METTL24: variants seen among roughly 807,000 people sequenced by gnomAD.
METTL24 encodes the protein methyltransferase like 24, also known as probable methyltransferase-like protein 24.
METTL24 carries 29 observed loss-of-function variants against 32.7 expected under a neutral mutation model. That is an observed-to-expected ratio of 0.89 (90% CI 0.66 to 1.21). The LOEUF (loss-of-function observed/expected upper bound fraction) is 1.21. Among genes scored for constraint, METTL24 ranks in the 50% most tolerant of loss-of-function variants. The pLI, the probability that METTL24 is intolerant of heterozygous loss-of-function variation, is 0.00. For missense variants in METTL24, 439 were observed against 468.1 expected, an observed-to-expected ratio of 0.94 and a Z score of 0.57; for synonymous variants, 163 against 179.5, an observed-to-expected ratio of 0.91 and a Z score of 0.73.
intron 1 of METTL24, among the ~76,000 whole-genome samples, chr6:110,346,554 G>C (rs1248747898): frequency 3.4e-5 from 5 of 146,316 alleles, no homozygotes; most frequent in African/African-American, 1.0e-4. Flanking sequence ...CAGCAGGCTG[G>C]AGTGCAATGG....
intron 4 of METTL24, among the ~76,000 whole-genome samples, chr6:110,256,273 A>G (rs1778382953): frequency 6.6e-6 from 1 of 152,192 alleles, no homozygotes; most frequent in Non-Finnish European, 1.5e-5. Context: ...AGACTTTAGT[A>G]TCACCTCTAA....
chr6:110,256,129 A>T (rs1778378159), intron 4 of METTL24, among the ~76,000 whole-genome samples: 1 of 152,174 alleles, frequency 6.6e-6, no homozygotes, highest in Non-Finnish European at 1.5e-5. Context: ...GTGAGAAAAC[A>T]TTAAGAAGTC....
At chr6:110,276,058 CCAA>C (rs1771041634) in intron 4 of METTL24, among the ~76,000 whole-genome samples, 1 of 152,188 alleles carries the variant, frequency 6.6e-6, no homozygotes, top group East Asian at 1.9e-4. Context: ...AAGCCATACA[CCAA>C]CATTTCTCCC....
At chr6:110,331,560 CTGAGG>C (rs1206466431) in intron 1 of METTL24, among the ~76,000 whole-genome samples, 1 of 147,922 alleles carries the variant, frequency 6.8e-6, no homozygotes, top group Non-Finnish European at 1.5e-5. Context: ...ACTCTGGTGG[CTGAGG>C]TGAGAGGATT....
intron 4 of METTL24, among the ~76,000 whole-genome samples, chr6:110,276,194 A>G (rs1771044218): frequency 6.6e-6 from 1 of 152,208 alleles, no homozygotes; most frequent in Non-Finnish European, 1.5e-5. Flanking sequence ...GCACTTTAAG[A>G]GGCCAAGGCC....
intron 1 of METTL24, among the ~76,000 whole-genome samples, chr6:110,335,563 A>ATTTTTTTTTTTTTT (rs1562241070): frequency 1.8e-5 from 2 of 113,634 alleles, no homozygotes; most frequent in Non-Finnish European, 3.5e-5. Flanking sequence ...GTAGGGAATC[A>ATTTTTTTTTTTTTT]TTGTTTTTTT....
chr6:110,314,727 C>T (rs987864922), intron 3 of METTL24, among the ~76,000 whole-genome samples: 3 of 152,026 alleles, frequency 2.0e-5, no homozygotes, highest in Admixed American at 6.6e-5. Flanking sequence ...TTTGGGAGGC[C>T]GAGGCAGGTG....
chr6:110,249,430 C>T (rs965899123), intron 4 of METTL24, among the ~76,000 whole-genome samples: 13 of 126,240 alleles, frequency 1.0e-4, no homozygotes, highest in Admixed American at 3.6e-4. Flanking sequence ...AATCATGCAG[C>T]CCAGGGGGAG....
At chr6:110,300,509 C>T (rs182132574) in intron 3 of METTL24, among the ~76,000 whole-genome samples, 239 of 151,448 alleles carry the variant, frequency 1.6e-3, no homozygotes, top group African/African-American at 4.9e-3. Flanking sequence ...CAACCTCTGC[C>T]GCCAGGGTTC....
intron 1 of METTL24, among the ~76,000 whole-genome samples, chr6:110,337,129 G>GA (rs1328146165): frequency 1.3e-5 from 2 of 152,184 alleles, no homozygotes; most frequent in Non-Finnish European, 2.9e-5. Flanking sequence ...CAGGAACATA[G>GA]ATGGAGCTGG....
intron 1 of METTL24, among the ~76,000 whole-genome samples, chr6:110,340,271 C>T (rs927418409): frequency 1.3e-5 from 2 of 152,114 alleles, no homozygotes; most frequent in Admixed American, 6.5e-5. Flanking sequence ...ACTCTAGGGG[C>T]TGTTGTCCAG....
At chr6:110,300,356 AATT>A (rs899919076) in intron 3 of METTL24, among the ~76,000 whole-genome samples, 6 of 151,808 alleles carry the variant, frequency 4.0e-5, no homozygotes, top group Non-Finnish European at 7.4e-5. Flanking sequence ...AGTGGATAAT[AATT>A]ATTTACCTTA....
chr6:110,297,900 C>T (rs1385273345), intron 4 of METTL24, among the ~76,000 whole-genome samples: 1 of 151,682 alleles, frequency 6.6e-6, no homozygotes, highest in Admixed American at 6.6e-5. Flanking sequence ...CTTGAAGAAG[C>T]ATGGGCTATC....
chr6:110,302,520 T>TATACACACAC (rs1562230836), intron 3 of METTL24, among the ~76,000 whole-genome samples: 24 of 111,822 alleles, frequency 2.1e-4, no homozygotes, highest in African/African-American at 1.1e-3. Context: ...TACACACACA[T>TATACACACAC]ATGTGTATAT....
At chr6:110,354,885 G>A (rs1251061223) in intron 1 of METTL24, among the ~76,000 whole-genome samples, 1 of 152,204 alleles carries the variant, frequency 6.6e-6, no homozygotes, top group East Asian at 1.9e-4. Context: ...GGAAATCTAA[G>A]AAAATGTTTA....
In METTL24 at chr6:110,284,738, A is replaced by G. The variant is rs1435393758; in HGVS notation, c.786+14184T>C. 5.3e-5 allele frequency among the ~76,000 whole-genome samples: 8 copies of G among 152,306 alleles called. No homozygotes were observed. The East Asian group carries it at 1.5e-3, about 29-fold the overall frequency. On this transcript the variant is annotated intron_variant, in intron 4 of 4. Transcript: ENST00000338882. ...GTATAAATCTGGTACTGTCTAGTTA[A>G]TAATTTTTATTTTTTTAGTCTTATT...
At chr6:110,252,291 C>T (rs1055982940) in intron 4 of METTL24, among the ~76,000 whole-genome samples, 1 of 152,192 alleles carries the variant, frequency 6.6e-6, no homozygotes, top group Non-Finnish European at 1.5e-5. Context: ...AACCCAAGAT[C>T]AACGTGTCAG....
chr6:110,252,977 C>A (rs1347381191), intron 4 of METTL24, among the ~76,000 whole-genome samples: 6 of 152,154 alleles, frequency 3.9e-5, no homozygotes, highest in Non-Finnish European at 7.3e-5. Context: ...AATTATGTAG[C>A]CCATCCTCCA....
rs565847457 is a variant in METTL24, at chr6:110,268,671, A to G, written c.787-22411T>C. Among the ~76,000 whole-genome samples the G allele has an allele frequency of 2.0e-5, 3 of 152,206 alleles. No individual in the cohort carries two copies. The East Asian group carries it at 5.8e-4, about 29-fold the overall frequency. The stretch of plus-strand genomic sequence containing the variant: ...CCTTGTTCCATGGACTTTTTTTTAG[A>G]GTAATGACATTGCCATTCCTATTAA... On this transcript the variant is annotated intron_variant, in intron 4 of 4. Coordinates refer to ENST00000338882, the MANE Select transcript of METTL24 (RefSeq NM_001123364.3).
Sources: gnomAD v4.1 joint callset for allele counts (sites outside exome capture counted in the v4.1 genomes callset) on GRCh38, gnomAD v4.1.1 for gene constraint, MANE v1.5 for transcripts, NCBI Gene and HGNC (gene_info 2026-07-23, HGNC 2026-07-21) for gene names.